Variants in SNX9 observed in about 807,000 individuals in gnomAD.
SNX9 encodes sorting nexin 9, also known as sorting nexin-9.
In SNX9, 44 loss-of-function variants were observed where a neutral mutation model predicts 89.4. That is an observed-to-expected ratio of 0.49 (90% CI 0.39 to 0.63). The LOEUF is 0.63. SNX9 is among the 30% of genes least tolerant of loss of function. The pLI is 0.00. For synonymous variants in SNX9, 236 were observed against 247.8 expected (o/e 0.95, Z 0.45); for missense variants, 578 against 736.1 (o/e 0.79, Z 2.49).
At chr6:157,939,355 T>C (rs956358197) in intron 16 of SNX9, among the ~76,000 whole-genome samples, 1 of 152,018 alleles carries the variant, frequency 6.6e-6, no homozygotes, top group African/African-American at 2.4e-5. Context: ...TATTGGGAAA[T>C]AAATTTTGAT....
Position 157,905,018 on chromosome 6 carries a change from C to T in SNX9, c.621-1110C>T, listed in dbSNP as rs571038615. 3.3e-5 allele frequency among the ~76,000 whole-genome samples: 5 copies of T among 152,304 alleles called. No homozygotes were observed. In the East Asian group the frequency reaches 9.6e-4, roughly 29 times the overall value. ...TACATACTAGGTTCTTTACATAAAT[C>T]TTTAATTCCCTTATCACCTTAGAAG... On this transcript the variant is annotated intron_variant, in intron 6 of 17. Coordinates refer to ENST00000392185, the MANE Select transcript of SNX9 (RefSeq NM_016224.5).
chr6:157,876,324 C>T (rs1200370988), intron 4 of SNX9, among the ~76,000 whole-genome samples: 2 of 152,098 alleles, frequency 1.3e-5, no homozygotes, highest in African/African-American at 2.4e-5. Context: ...TGGTGGCAGG[C>T]ACCTGTAATC....
chr6:157,840,046 C>A (rs981467576), intron 1 of SNX9, among the ~76,000 whole-genome samples: 3 of 151,960 alleles, frequency 2.0e-5, no homozygotes, highest in Non-Finnish European at 4.4e-5. Context: ...AGGTAGAGAT[C>A]TGAGGGAAGG....
At chr6:157,914,479 T>TTTC (rs1169086880) in intron 9 of SNX9, among the ~76,000 whole-genome samples, 2 of 132,290 alleles carry the variant, frequency 1.5e-5, no homozygotes, top group African/African-American at 6.0e-5. Context: ...CTTTTTTTTT[T>TTTC]TTTTTTTTTT....
At position 157,852,355 on chromosome 6, in the gene SNX9, A is replaced by G. The variant is rs140204509; in HGVS notation, c.13-15192A>G. Among the ~76,000 whole-genome samples the G allele has an allele frequency of 1.6e-4, 25 of 152,322 alleles. No individual in the cohort carries two copies. The East Asian group carries it at 4.8e-3, about 29-fold the overall frequency. On this transcript the variant is annotated intron_variant, in intron 1 of 17. Transcript: ENST00000392185. Reference sequence around the variant, plus strand: ...ATAATGAAATGTCTGATTACTGGACATCAAAAGCTGCTTTGCATTAGGCCA... The same window carrying G: ...ATAATGAAATGTCTGATTACTGGACGTCAAAAGCTGCTTTGCATTAGGCCA...
At chr6:157,906,610 GGGTAATAGTGTTTTT>G (rs1181690432) in intron 7 of SNX9, among the ~76,000 whole-genome samples, 3 of 152,138 alleles carry the variant, frequency 2.0e-5, no homozygotes, top group Admixed American at 6.5e-5. Context: ...TCAGATATAT[GGGTAATAGTGTTTTT>G]GGTAATAGTG....
At chr6:157,873,948 C>T (rs1782469150) in intron 3 of SNX9, among the ~76,000 whole-genome samples, 1 of 152,176 alleles carries the variant, frequency 6.6e-6, no homozygotes, top group African/African-American at 2.4e-5. Flanking sequence ...TTCGGTCCCT[C>T]CAAACCGAGC....
Position 157,823,754 on chromosome 6 carries a change from G to C in SNX9, c.12+308G>C, listed in dbSNP as rs1312058788. On this transcript the variant is annotated intron_variant, in intron 1 of 17. Transcript: ENST00000392185. The surrounding 1 kb of genome is among the most constrained non-coding windows in gnomAD (Gnocchi z 4.6). ...GAGCGTGGGCTGCGGCGGGCTCGCC[G>C]GGAGGGGCCGCGGGACGGAAACTTC... 6.6e-6 allele frequency among the ~76,000 whole-genome samples: 1 copy of C among 151,990 alleles called. No individual in the cohort carries two copies. The highest frequency in any genetic ancestry group is 1.5e-5 in the Non-Finnish European group (1 of 67,958).
chr6:157,825,216 CCA>C (rs1189552437), intron 1 of SNX9, among the ~76,000 whole-genome samples: 16 of 152,146 alleles, frequency 1.1e-4, no homozygotes, highest in Non-Finnish European at 1.8e-4. Context: ...CCACTGCACT[CCA>C]GCCTGGGCGA....
In SNX9 at chr6:157,938,669, G is replaced by C. The variant is rs746580173; in HGVS notation, c.1570G>C (p.Val524Leu). Residue 524 changes from valine (V) to leucine (L), a missense_variant, in exon 16 of 18, where the codon GTT (valine) becomes CTT (leucine). Physicochemically the swap from Val to Leu is conservative, Grantham distance 32. Around this residue, in one of 2 missense-constraint regions of SNX9, gnomAD observed 348 missense variants for 491.4 expected, o/e 0.71. Transcript: ENST00000392185. ...IEKVKESDKL[V>L]ATSKITLQDK... The stretch of plus-strand genomic sequence containing the variant: ...AAAAGTGAAAGAAAGTGACAAACTA[G>C]TTGCAACAAGTAAAATCACCCTACA... 1.2e-6 allele frequency: 2 copies of C among 1,614,002 alleles called. No homozygotes were observed. Among genetic ancestry groups the C allele is most frequent in the Non-Finnish European group, 8.5e-7 (1 of 1,179,932 alleles).
chr6:157,893,455 G>A (rs770470205), intron 4 of SNX9, among the ~76,000 whole-genome samples: 7 of 152,178 alleles, frequency 4.6e-5, no homozygotes, highest in Non-Finnish European at 7.3e-5. Flanking sequence ...CACCTGGCAC[G>A]TGACAGCCAG....
At chr6:157,873,203 T>G in intron 3 of SNX9, 27 bp downstream of exon 3, 3 of 1,524,060 alleles carry the variant, frequency 2.0e-6, no homozygotes, top group Non-Finnish European at 2.7e-6. Context: ...ATTCATTCAT[T>G]AGAGCTCATC....
chr6:157,941,613 G>A (rs773593075), intron 17 of SNX9, among the ~76,000 whole-genome samples: 35 of 152,232 alleles, frequency 2.3e-4, no homozygotes, highest in East Asian at 5.8e-4. Context: ...TCCAGCCTCC[G>A]CTGGCGGCCT....
intron 1 of SNX9, among the ~76,000 whole-genome samples, chr6:157,859,182 A>T (rs1782070244): frequency 6.6e-6 from 1 of 152,240 alleles, no homozygotes; most frequent in Non-Finnish European, 1.5e-5. Flanking sequence ...ATTAAATGAT[A>T]TGAAAAGAAA....
At chr6:157,901,092 A>G (rs1783087529) in intron 5 of SNX9, among the ~76,000 whole-genome samples, 1 of 151,588 alleles carries the variant, frequency 6.6e-6, no homozygotes, top group South Asian at 2.1e-4. Context: ...GTGATGTGAA[A>G]CCTCCCTGAC....
rs778928212 is a variant in SNX9, at chr6:157,932,192, C to T, written c.1289-3C>T. The T allele has an allele frequency of 3.7e-6, 6 of 1,613,568 alleles. No individual in the cohort carries two copies. The South Asian group carries it at 6.6e-5, about 18-fold the overall frequency. The stretch of plus-strand genomic sequence containing the variant: ...TAATCGTTTATTCCTTTTTGTCTTT[C>T]AGCATTACCCAAGGAATATCAGAAG... On this transcript the variant is annotated splice_polypyrimidine_tract_variant and splice_region_variant and intron_variant, in intron 12 of 17. Coordinates refer to ENST00000392185, the MANE Select transcript of SNX9 (RefSeq NM_016224.5).
At chr6:157,854,428 G>C (rs1443394980) in intron 1 of SNX9, among the ~76,000 whole-genome samples, 1 of 152,134 alleles carries the variant, frequency 6.6e-6, no homozygotes, top group Non-Finnish European at 1.5e-5. Context: ...ATAAATAAAA[G>C]TCCTAAATAA....
chr6:157,844,898 G>T (rs935191756), intron 1 of SNX9, among the ~76,000 whole-genome samples: 2 of 151,394 alleles, frequency 1.3e-5, no homozygotes, highest in Non-Finnish European at 2.9e-5. Flanking sequence ...CCTGGCCGTC[G>T]TCCTTGTTTT....
At chr6:157,887,465 GTC>G (rs1782759445) in intron 4 of SNX9, among the ~76,000 whole-genome samples, 1 of 152,074 alleles carries the variant, frequency 6.6e-6, no homozygotes, top group East Asian at 1.9e-4. Flanking sequence ...CTCTCTCTGC[GTC>G]TCTGTCTTCC....
Sources: gnomAD v4.1 joint callset for allele counts (sites outside exome capture counted in the v4.1 genomes callset) on GRCh38, gnomAD v4.1.1 for gene constraint, gnomAD v4.1.1 regional missense constraint, Gnocchi (gnomAD v3.1) non-coding constraint, MANE v1.5 for transcripts, NCBI Gene and HGNC (gene_info 2026-07-23, HGNC 2026-07-21) for gene names.